Variants in MACF1 observed in about 807,000 individuals in gnomAD.
MACF1 encodes microtubule actin crosslinking factor 1, also known as microtubule-actin cross-linking factor 1.
MACF1 carries 193 observed loss-of-function variants against 854.8 expected under a neutral mutation model. The observed-to-expected ratio is 0.23, with a 90% CI of 0.20 to 0.25. The LOEUF (loss-of-function observed/expected upper bound fraction) is 0.25, where lower values mean the gene tolerates loss of function less well. Among genes scored for constraint, MACF1 ranks in the 10% least tolerant of loss-of-function variants. The probability of loss-of-function intolerance (pLI) is 1.00; values close to 1 mark genes in which losing one functional copy is unlikely to be tolerated. For synonymous variants in MACF1, 3,185 were observed against 3,226.7 expected, an observed-to-expected ratio of 0.99 and a Z score of 0.44; for missense variants, 7,722 against 8,929.1, an observed-to-expected ratio of 0.86 and a Z score of 5.45.
intron 2 of MACF1, among the ~76,000 whole-genome samples, chr1:39,176,109 C>CAAA (rs773763271): frequency 0.39 from 5,161 of 13,290 alleles, 1,485 homozygotes; most frequent in African/African-American, 0.48. Context: ...GACTCCTTCT[C>CAAA]AAAAAAAAAA....
At chr1:39,400,005 C>G (rs752383353) in intron 58 of MACF1, among the ~76,000 whole-genome samples, 4 of 152,214 alleles carry the variant, frequency 2.6e-5, no homozygotes, top group Non-Finnish European at 4.4e-5. Context: ...AAATTCTAAT[C>G]TTAGCCTGAT....
At position 39,357,888 on chromosome 1, in the gene MACF1, T is replaced by C. The variant is rs373955060; in HGVS notation, c.11938T>C (p.Ser3980Pro). 5 of 1,608,114 alleles carry C rather than the reference T, an allele frequency of 3.1e-6. No homozygotes were observed. In the African/African-American group the frequency reaches 4.0e-5, roughly 13 times the overall value. ...DATERYTALHSKCTRLGSHLN... is the reference protein window; with the variant it reads ...DATERYTALHPKCTRLGSHLN... ...AACAGAAAGATACACTGCTCTCCAC[T>C]CAAAGGTAAGGGGGCAGTTCCTGGC... The change falls in exon 45 of 101, where the codon TCA becomes CCA. Residue 3980 changes from serine (S) to proline (P), a missense_variant. Ser to Pro is a moderately conservative substitution (Grantham distance 74). Around this residue, in one of 15 missense-constraint regions of MACF1, gnomAD observed 2,807 missense variants for 3,235.8 expected, o/e 0.87. Transcript: ENST00000564288.
intron 2 of MACF1, among the ~76,000 whole-genome samples, chr1:39,199,349 G>T (rs1644361568): frequency 1.3e-5 from 2 of 149,772 alleles, no homozygotes; most frequent in South Asian, 4.4e-4. Context: ...CATAATAAAA[G>T]TTCAGACATG....
intron 2 of MACF1, among the ~76,000 whole-genome samples, chr1:39,191,634 A>G (rs929110742): frequency 6.6e-6 from 1 of 152,188 alleles, no homozygotes; most frequent in Non-Finnish European, 1.5e-5. Context: ...ACAGGGTGTG[A>G]TGCTGTGTGA....
intron 83 of MACF1, 59 bp from the exon 84 acceptor site, chr1:39,448,535 T>G (rs1370914456): frequency 2.9e-6 from 4 of 1,383,444 alleles, no homozygotes; most frequent in Non-Finnish European, 3.8e-6. Flanking sequence ...ATTCTTTTGT[T>G]CCAAATCAAG....
intron 58 of MACF1, among the ~76,000 whole-genome samples, chr1:39,393,196 A>AAATATATATATAT (rs57576149): frequency 4.5e-5 from 3 of 66,566 alleles, no homozygotes; most frequent in African/African-American, 1.7e-4. Flanking sequence ...AAAAAAAAAA[A>AAATATATATATAT]ATATATATAT....
At chr1:39,295,220 G>C in intron 19 of MACF1, 70 bp downstream of exon 19, 1 of 1,308,364 alleles carries the variant, frequency 7.6e-7, no homozygotes, top group Non-Finnish European at 1.1e-6. Context: ...TCAAATTAGA[G>C]ACTTTGTTCC....
intron 2 of MACF1, among the ~76,000 whole-genome samples, chr1:39,181,589 C>T (rs1019603870): frequency 2.0e-5 from 3 of 151,986 alleles, no homozygotes; most frequent in African/African-American, 7.3e-5. Flanking sequence ...GCAAGGGACC[C>T]AGAATAGTCA....
At chr1:39,234,826 C>T (rs1203314641) in intron 2 of MACF1, among the ~76,000 whole-genome samples, 1 of 39,990 alleles carries the variant, frequency 2.5e-5, no homozygotes, top group Non-Finnish European at 8.4e-5. Context: ...ACCTCCCAGA[C>T]GGGGTCGCGG....
chr1:39,107,374 G>C (rs887225789), intron 2 of MACF1, among the ~76,000 whole-genome samples: 3 of 151,984 alleles, frequency 2.0e-5, no homozygotes, highest in Non-Finnish European at 4.4e-5. Context: ...TCCTCTGAAG[G>C]GCCTTGATCA....
intron 14 of MACF1, 25 bp from the exon 15 acceptor site, chr1:39,287,261 C>T: frequency 6.2e-7 from 1 of 1,607,208 alleles, no homozygotes; most frequent in Non-Finnish European, 8.5e-7. Context: ...TAAATCCTTT[C>T]CTTTTTTCTC....
chr1:39,472,884 A>G (rs1254629606), intron 97 of MACF1, among the ~76,000 whole-genome samples: 1 of 152,226 alleles, frequency 6.6e-6, no homozygotes, highest in Non-Finnish European at 1.5e-5. Context: ...GACCTTCTTA[A>G]TGAGGCCTCA....
intron 4 of MACF1, among the ~76,000 whole-genome samples, chr1:39,253,681 T>C (rs989900966): frequency 1.9e-4 from 29 of 152,188 alleles, no homozygotes; most frequent in African/African-American, 7.0e-4. Context: ...GCCCGGCTAA[T>C]TTTTGAGGAG....
intron 14 of MACF1, among the ~76,000 whole-genome samples, chr1:39,286,614 G>A (rs997635766): frequency 1.3e-5 from 2 of 151,146 alleles, no homozygotes; most frequent in African/African-American, 4.9e-5. Context: ...GTACAGGAGT[G>A]CACCACCATG....
chr1:39,227,151 T>G (rs551049038), intron 1 of MACF1, among the ~76,000 whole-genome samples: 1 of 152,304 alleles, frequency 6.6e-6, no homozygotes, highest in Admixed American at 6.5e-5. Context: ...CAGGCTCAAG[T>G]GATCCTTCTG....
At chr1:39,320,445 T>A (rs1362613091) in intron 31 of MACF1, among the ~76,000 whole-genome samples, 1 of 152,232 alleles carries the variant, frequency 6.6e-6, no homozygotes, top group African/African-American at 2.4e-5. Flanking sequence ...GCCAGTTATG[T>A]GACATGCCAT....
chr1:39,291,902 T>C lies in MACF1; in HGVS notation c.1786-8T>C, dbSNP rs1356903363. ...AATTATGTCATATATATATTTTTTC[T>C]TTTTCAGATGAAACTGGAGCGAGCA... On this transcript the variant is annotated splice_polypyrimidine_tract_variant and splice_region_variant and intron_variant, in intron 15 of 100. Coordinates refer to ENST00000564288, the MANE Select transcript of MACF1 (RefSeq NM_001394062.1). The C allele has an allele frequency of 3.7e-6, 6 of 1,611,322 alleles. No individual in the cohort carries two copies. Among genetic ancestry groups the C allele is most frequent in the Non-Finnish European group, 5.1e-6 (6 of 1,179,250 alleles).
chr1:39,248,398 T>G (rs1020161188), intron 2 of MACF1, among the ~76,000 whole-genome samples: 1 of 152,136 alleles, frequency 6.6e-6, no homozygotes, highest in Non-Finnish European at 1.5e-5. Flanking sequence ...ATTGGTGCAA[T>G]GATACCTTAC....
At chr1:39,196,470 A>G (rs774917818) in intron 2 of MACF1, among the ~76,000 whole-genome samples, 2 of 152,110 alleles carry the variant, frequency 1.3e-5, no homozygotes, top group Non-Finnish European at 2.9e-5. Flanking sequence ...TGCCTAGTGT[A>G]CTCATGGGAG....
Sources: gnomAD v4.1 joint callset for allele counts (sites outside exome capture counted in the v4.1 genomes callset) on GRCh38, gnomAD v4.1.1 for gene constraint, gnomAD v4.1.1 regional missense constraint, MANE v1.5 for transcripts, NCBI Gene and HGNC (gene_info 2026-07-23, HGNC 2026-07-21) for gene names.